The following DISP1 variants were observed in gnomAD, a reference collection of about 807,000 sequenced individuals.
DISP1 encodes dispatched RND transporter family member 1.
A neutral mutation model predicts 37.3 loss-of-function variants in DISP1; 30 were observed. The ratio of observed to expected loss-of-function variants is 0.80; its 90% confidence interval spans 0.60 to 1.09. DISP1 has a LOEUF of 1.09. DISP1 is among the 50% of genes least tolerant of loss of function. The pLI is 0.00. For missense variants in DISP1, 1,598 were observed against 1,879.5 expected (o/e 0.85, Z 2.77); for synonymous variants, 634 against 690.2 (o/e 0.92, Z 1.28).
At chr1:222,834,278 T>A (rs745574041) in intron 1 of DISP1, among the ~76,000 whole-genome samples, 1 of 152,018 alleles carries the variant, frequency 6.6e-6, no homozygotes, top group South Asian at 2.1e-4. Flanking sequence ...TGTCCTGTAG[T>A]TGGATAGATA....
At chr1:222,877,515 G>T (rs572154263) in intron 1 of DISP1, among the ~76,000 whole-genome samples, 1 of 152,270 alleles carries the variant, frequency 6.6e-6, no homozygotes, top group South Asian at 2.1e-4. Flanking sequence ...GAAATTATGG[G>T]AGTACAATTC....
chr1:222,991,197 G>A (rs984057927), intron 5 of DISP1, among the ~76,000 whole-genome samples: 13 of 152,132 alleles, frequency 8.5e-5, no homozygotes, highest in Admixed American at 2.0e-4. Flanking sequence ...AATACAGTGC[G>A]TAACATGATT....
intron 3 of DISP1, among the ~76,000 whole-genome samples, chr1:222,947,081 G>A (rs1483660850): frequency 1.3e-5 from 2 of 152,106 alleles, no homozygotes; most frequent in Non-Finnish European, 2.9e-5. Flanking sequence ...GTGACATTAA[G>A]TACATTCACC....
At chr1:222,942,708 C>G in intron 2 of DISP1, 99 bp from the exon 3 acceptor site, 1 of 1,388,118 alleles carries the variant, frequency 7.2e-7, no homozygotes, top group Non-Finnish European at 1.0e-6. Context: ...CTGCAAGAAC[C>G]CTCATTTTCA....
chr1:223,005,078 A>G lies in DISP1; in HGVS notation c.3681A>G (p.Leu1227=), dbSNP rs2102808074. 6.2e-7 allele frequency: 1 copy of G among 1,614,226 alleles called. No homozygotes were observed. ...TTTTCAACAGCCAAGCAAAGAATTT[A>G]GGGATGCCTGTGCATGCAGCTTACA... ...SEFFNSQAKN[L]GMPVHAAYNS... is the part of the protein sequence containing the mutation. Residue 1227 remains leucine (L), a synonymous_variant, in exon 9 of 9, where the codon TTA becomes TTG. Transcript: ENST00000675850.
At chr1:222,838,130 A>C (rs142813280) in intron 1 of DISP1, among the ~76,000 whole-genome samples, 74 of 152,200 alleles carry the variant, frequency 4.9e-4, no homozygotes, top group African/African-American at 1.7e-3. Flanking sequence ...TTTATACTTA[A>C]GTTTTTTCCT....
intron 1 of DISP1, among the ~76,000 whole-genome samples, chr1:222,865,444 A>T (rs954501742): frequency 6.6e-6 from 1 of 152,124 alleles, no homozygotes; most frequent in Non-Finnish European, 1.5e-5. Context: ...TATAAGAGGG[A>T]GTGGGTCTTT....
At chr1:222,887,897 G>A (rs1010239662) in intron 1 of DISP1, among the ~76,000 whole-genome samples, 8 of 152,160 alleles carry the variant, frequency 5.3e-5, no homozygotes, top group South Asian at 2.1e-4. Context: ...AAGGTATAGA[G>A]GTCACAATAG....
intron 1 of DISP1, among the ~76,000 whole-genome samples, chr1:222,914,237 C>G (rs983797599): frequency 2.0e-5 from 3 of 151,960 alleles, no homozygotes; most frequent in Non-Finnish European, 4.4e-5. Flanking sequence ...GTACTTAAAT[C>G]CAGAAATAAA....
chr1:222,984,466 CAT>C (rs1271950138), intron 4 of DISP1, among the ~76,000 whole-genome samples: 9 of 135,458 alleles, frequency 6.6e-5, no homozygotes, highest in Admixed American at 3.0e-4. Context: ...AGAGCGTACT[CAT>C]ATATGTTATA....
intron 1 of DISP1, among the ~76,000 whole-genome samples, chr1:222,828,626 A>G (rs1467410939): frequency 7.9e-5 from 12 of 152,066 alleles, no homozygotes; most frequent in Non-Finnish European, 1.8e-4. Context: ...CAGGCTCTCC[A>G]TTTCGTACAG....
chr1:222,985,807 A>G (rs953184517), intron 4 of DISP1, among the ~76,000 whole-genome samples: 3 of 152,126 alleles, frequency 2.0e-5, no homozygotes, highest in African/African-American at 7.2e-5. Flanking sequence ...TTGCTTCCTT[A>G]TTGTTTAATG....
chr1:222,922,805 T>G (rs1338640195), intron 1 of DISP1, among the ~76,000 whole-genome samples: 1 of 151,998 alleles, frequency 6.6e-6, no homozygotes, highest in African/African-American at 2.4e-5. Context: ...TGCTCAAGAT[T>G]TAGAATAACA....
intron 3 of DISP1, among the ~76,000 whole-genome samples, chr1:222,956,026 C>G (rs1675569078): frequency 1.3e-5 from 2 of 152,192 alleles, no homozygotes; most frequent in Non-Finnish European, 2.9e-5. Flanking sequence ...GGAATGTAAG[C>G]AATTTACTGT....
intron 1 of DISP1, among the ~76,000 whole-genome samples, chr1:222,845,892 A>C (rs561181617): frequency 6.6e-6 from 1 of 152,232 alleles, no homozygotes; most frequent in South Asian, 2.1e-4. Context: ...GTGAATCTGG[A>C]TTTTTAGTGA....
chr1:222,942,705 A>C, intron 2 of DISP1, 102 bp from the exon 3 acceptor site: 4 of 1,368,698 alleles, frequency 2.9e-6, no homozygotes, highest in Non-Finnish European at 4.1e-6. Flanking sequence ...ACTCTGCAAG[A>C]ACCCTCATTT....
intron 3 of DISP1, among the ~76,000 whole-genome samples, chr1:222,944,105 T>G (rs1674588880): frequency 6.6e-6 from 1 of 152,196 alleles, no homozygotes; most frequent in African/African-American, 2.4e-5. Flanking sequence ...GTACTCAACA[T>G]TTCTATTCCT....
chr1:222,869,578 G>C (rs1669405378), intron 1 of DISP1, among the ~76,000 whole-genome samples: 1 of 152,096 alleles, frequency 6.6e-6, no homozygotes, highest in South Asian at 2.1e-4. Flanking sequence ...ACTCTGAGGA[G>C]CTAGCAAAGC....
Position 222,943,387 on chromosome 1 carries a change from A to G in DISP1, c.509+55A>G, listed in dbSNP as rs1674528100. ...ATTCAACTAATGCCACGTGAACATG[A>G]CAGCTTGTGTTTATTTTCCTGAAAG... On this transcript the variant is annotated intron_variant, in intron 3 of 8. Coordinates refer to ENST00000675850, the MANE Select transcript of DISP1 (RefSeq NM_001377229.1). 1.9e-6 allele frequency: 3 copies of G among 1,609,082 alleles called. No homozygotes were observed. In the South Asian group the frequency reaches 3.3e-5, roughly 18 times the overall value.
Sources: allele counts gnomAD v4.1 joint callset (sites outside exome capture counted in the v4.1 genomes callset), GRCh38; gene constraint gnomAD v4.1.1; transcripts MANE v1.5; gene names NCBI Gene and HGNC (gene_info 2026-07-23, HGNC 2026-07-21).